Variants in MAP2K4 observed in about 807,000 individuals in gnomAD.
MAP2K4 encodes the protein mitogen-activated protein kinase kinase 4.
Under a neutral mutation model 48.5 loss-of-function variants are expected in MAP2K4, and 4 were observed. The observed-to-expected ratio is 0.08, with a 90% CI of 0.04 to 0.19. The LOEUF (loss-of-function observed/expected upper bound fraction) is 0.19, where lower values mean the gene tolerates loss of function less well. Among genes scored for constraint, MAP2K4 ranks in the 10% least tolerant of loss-of-function variants. The pLI is 1.00. For missense variants in MAP2K4, 258 were observed against 493.3 expected (o/e 0.52, Z 4.52); for synonymous variants, 166 against 173.1 (o/e 0.96, Z 0.32).
At chr17:12,027,194 T>C (rs1360865454) in intron 1 of MAP2K4, among the ~76,000 whole-genome samples, 1 of 152,154 alleles carries the variant, frequency 6.6e-6, no homozygotes, top group Non-Finnish European at 1.5e-5. Context: ...TAATAGAAAG[T>C]ATTCAAGTCG....
intron 7 of MAP2K4, among the ~76,000 whole-genome samples, chr17:12,122,163 G>A (rs1972714545): frequency 6.6e-6 from 1 of 152,168 alleles, no homozygotes; most frequent in Non-Finnish European, 1.5e-5. Context: ...ATCTCCACAG[G>A]TAGCTATTCC....
At chr17:12,073,383 G>T (rs1190483835) in intron 2 of MAP2K4, among the ~76,000 whole-genome samples, 1 of 152,128 alleles carries the variant, frequency 6.6e-6, no homozygotes. Flanking sequence ...TATAGACTTA[G>T]GATTGTATTT....
At chr17:12,052,896 A>G (rs1970184765) in intron 1 of MAP2K4, among the ~76,000 whole-genome samples, 1 of 152,094 alleles carries the variant, frequency 6.6e-6, no homozygotes, top group African/African-American at 2.4e-5. Context: ...CTGGGCCCCA[A>G]ATATTCATAT....
rs1973383547 is a variant in MAP2K4, at chr17:12,141,717, C to T, written c.*457C>T. On this transcript the variant is annotated 3_prime_UTR_variant, in exon 11 of 11. Coordinates refer to ENST00000353533, the MANE Select transcript of MAP2K4 (RefSeq NM_003010.4). ...AAGAGCTTGCACAGCCAACGAGACA[C>T]ATTGCCTTCTGGAGCTGGGAGACAA... The T allele has an allele frequency of 4.2e-6, 1 of 237,320 alleles. No homozygotes were observed. The highest frequency in any genetic ancestry group is 2.2e-5 in the African/African-American group (1 of 45,414). 14.7% of individuals were successfully genotyped at this position (237,320 alleles called of 1,614,324 possible).
intron 1 of MAP2K4, among the ~76,000 whole-genome samples, chr17:12,025,551 T>A (rs1969226865): frequency 6.6e-6 from 1 of 152,204 alleles, no homozygotes; most frequent in Admixed American, 6.5e-5. Context: ...GTAAAATACT[T>A]GTTACAAGAA....
At chr17:12,134,622 T>C (rs1973144659) in intron 9 of MAP2K4, among the ~76,000 whole-genome samples, 1 of 152,222 alleles carries the variant, frequency 6.6e-6, no homozygotes, top group Admixed American at 6.5e-5. Context: ...TCCTTCTACT[T>C]GAAGAATAAC....
intron 9 of MAP2K4, among the ~76,000 whole-genome samples, chr17:12,131,285 G>T (rs1256460997): frequency 2.1e-5 from 3 of 140,726 alleles, no homozygotes; most frequent in African/African-American, 2.7e-5. Flanking sequence ...AGTCTCAGTT[G>T]CCCAGGCTGG....
Position 12,143,509 on chromosome 17 carries a change from A to G in MAP2K4, c.*2249A>G. On this transcript the variant is annotated 3_prime_UTR_variant, in exon 11 of 11. Transcript: ENST00000353533. ...TTTCTCTTGTACCATAGAAAAATGT[A>G]TAAAAATTATCAAAAAGCTAATGTG... 4.3e-6 allele frequency: 1 copy of G among 231,874 alleles called. No homozygotes were observed. Among genetic ancestry groups the G allele is most frequent in the Non-Finnish European group, 8.6e-6 (1 of 116,918 alleles). 14.4% of individuals were successfully genotyped at this position (231,874 alleles called of 1,614,324 possible).
chr17:12,096,287 G>A (rs1457298902), intron 4 of MAP2K4, among the ~76,000 whole-genome samples: 1 of 151,588 alleles, frequency 6.6e-6, no homozygotes, highest in Non-Finnish European at 1.5e-5. Flanking sequence ...TAATTTCTTG[G>A]TCTCATAATC....
At chr17:12,117,309 A>G (rs769835460) in intron 7 of MAP2K4, among the ~76,000 whole-genome samples, 2 of 152,124 alleles carry the variant, frequency 1.3e-5, no homozygotes, top group South Asian at 4.1e-4. Flanking sequence ...AACGTTACCA[A>G]CACTAGTGTG....
chr17:12,059,140 A>G (rs929614681), intron 2 of MAP2K4, among the ~76,000 whole-genome samples: 1 of 152,244 alleles, frequency 6.6e-6, no homozygotes, highest in Non-Finnish European at 1.5e-5. Context: ...GCATATTATA[A>G]TAGAGACTCT....
intron 1 of MAP2K4, among the ~76,000 whole-genome samples, chr17:12,053,569 T>C (rs558191161): frequency 6.6e-6 from 1 of 152,204 alleles, no homozygotes; most frequent in East Asian, 1.9e-4. Flanking sequence ...AATACAGTCA[T>C]ATCTGCTATG....
intron 4 of MAP2K4, among the ~76,000 whole-genome samples, chr17:12,097,394 C>A (rs1399320539): frequency 6.6e-6 from 1 of 152,178 alleles, no homozygotes; most frequent in Non-Finnish European, 1.5e-5. Flanking sequence ...CATTCATGTA[C>A]CATTTACACA....
chr17:12,100,416 T>G (rs1466279196), intron 4 of MAP2K4, among the ~76,000 whole-genome samples: 1 of 152,218 alleles, frequency 6.6e-6, no homozygotes, highest in Non-Finnish European at 1.5e-5. Flanking sequence ...CCAAGTACTA[T>G]CTGTAATGTT....
intron 1 of MAP2K4, among the ~76,000 whole-genome samples, chr17:12,023,013 T>C (rs1041835404): frequency 3.9e-5 from 6 of 152,320 alleles, no homozygotes; most frequent in East Asian, 1.9e-4. Context: ...TCAGCCCTTG[T>C]ATGTTGATAC....
At chr17:12,129,379 A>AG (rs1972957667) in intron 9 of MAP2K4, 92 bp downstream of exon 9, 7 of 1,477,922 alleles carry the variant, frequency 4.7e-6, no homozygotes, top group South Asian at 3.6e-5. Context: ...ACATGGAGGA[A>AG]GGGGACCCTT....
At position 12,022,126 on chromosome 17, in the gene MAP2K4, A is replaced by G. The variant is rs1489335550; in HGVS notation, c.115+1125A>G. ...TTACTTTTTGATTCCATTCCTCTTA[A>G]AGGGCTTCTAGCATTTAGTTAGGTT... On this transcript the variant is annotated intron_variant, in intron 1 of 10. Transcript: ENST00000353533. 2.0e-5 allele frequency among the ~76,000 whole-genome samples: 3 copies of G among 152,200 alleles called. No homozygotes were observed. In the South Asian group the frequency reaches 6.2e-4, roughly 31 times the overall value.
intron 7 of MAP2K4, 58 bp downstream of exon 7, chr17:12,113,418 C>G: frequency 6.3e-7 from 1 of 1,577,568 alleles, no homozygotes. Context: ...AGCCTGTGCT[C>G]TTTTGTGCTG....
intron 9 of MAP2K4, 77 bp from the exon 10 acceptor site, chr17:12,139,762 A>G (rs1286261970): frequency 9.9e-7 from 1 of 1,008,102 alleles, no homozygotes; most frequent in African/African-American, 1.6e-5. Flanking sequence ...ATTATTTGTA[A>G]TATTTCATCT....
Sources: gnomAD v4.1 joint callset for allele counts (sites outside exome capture counted in the v4.1 genomes callset) on GRCh38, gnomAD v4.1.1 for gene constraint, MANE v1.5 for transcripts, NCBI Gene and HGNC (gene_info 2026-07-23, HGNC 2026-07-21) for gene names.